The following CCDC102B variants were observed in gnomAD, a reference collection of about 807,000 sequenced individuals.
CCDC102B encodes coiled-coil domain containing 102B, also known as coiled-coil domain-containing protein 102B.
CCDC102B carries 75 observed loss-of-function variants against 57.4 expected under a neutral mutation model. That is an observed-to-expected ratio of 1.31 (90% CI 1.08 to 1.58). The LOEUF is 1.58. CCDC102B is among the 40% of genes most tolerant of loss of function. The pLI is 0.00. For synonymous variants in CCDC102B, 206 were observed against 201.9 expected, an observed-to-expected ratio of 1.02 and a Z score of -0.17; for missense variants, 636 against 582.6, an observed-to-expected ratio of 1.09 and a Z score of -0.94.
Position 68,815,213 on chromosome 18 carries a change from T to A in CCDC102B, c.-16+17032T>A, listed in dbSNP as rs1364349602. 2.0e-5 allele frequency among the ~76,000 whole-genome samples: 3 copies of A among 152,134 alleles called. No individual in the cohort carries two copies. The East Asian group carries it at 5.8e-4, about 29-fold the overall frequency. On this transcript the variant is annotated intron_variant, in intron 1 of 7. Coordinates refer to ENST00000360242, the MANE Select transcript of CCDC102B (RefSeq NM_024781.3). The stretch of plus-strand genomic sequence containing the variant: ...AAGTAACTGATCACTTTCAAATCAT[T>A]CTCTTACTTTTTCCTTAATTTCTTT...
intron 6 of CCDC102B, among the ~76,000 whole-genome samples, chr18:68,954,793 T>C (rs1405588242): frequency 5.9e-5 from 9 of 152,218 alleles, no homozygotes; most frequent in Non-Finnish European, 1.3e-4. Context: ...GAATTGCTTT[T>C]TCCTTAATGC....
chr18:68,770,013 G>C (rs536905336), intron 2 of CCDC102B, among the ~76,000 whole-genome samples: 2 of 152,196 alleles, frequency 1.3e-5, no homozygotes, highest in African/African-American at 4.8e-5. Context: ...TACTTCATTA[G>C]TCCAGCTGGA....
At chr18:69,036,695 C>A (rs2145459108) in intron 7 of CCDC102B, among the ~76,000 whole-genome samples, 1 of 151,970 alleles carries the variant, frequency 6.6e-6, no homozygotes, top group South Asian at 2.1e-4. Context: ...ATGGGATTTG[C>A]ATTGTGAAAT....
At chr18:69,018,973 A>C (rs2051749303) in intron 7 of CCDC102B, among the ~76,000 whole-genome samples, 1 of 152,076 alleles carries the variant, frequency 6.6e-6, no homozygotes. Context: ...CTATCCCAAC[A>C]CTACTTGTTG....
At chr18:69,040,366 G>C (rs1032760173) in intron 7 of CCDC102B, among the ~76,000 whole-genome samples, 5 of 149,528 alleles carry the variant, frequency 3.3e-5, no homozygotes, top group African/African-American at 1.2e-4. Flanking sequence ...TATCTATGTA[G>C]ATTTAGATTA....
intron 6 of CCDC102B, among the ~76,000 whole-genome samples, chr18:68,948,214 T>C (rs950778488): frequency 6.6e-6 from 1 of 152,132 alleles, no homozygotes; most frequent in Admixed American, 6.6e-5. Flanking sequence ...ATAACAATTA[T>C]GAAAATAAAT....
intron 1 of CCDC102B, 80 bp downstream of exon 1, chr18:68,798,261 G>A (rs192724419): frequency 9.9e-4 from 150 of 152,238 alleles, no homozygotes; most frequent in African/African-American, 3.5e-3. Context: ...GTTGTTCTCA[G>A]AGCAAAGACA....
At chr18:68,896,131 A>G (rs1031563676) in intron 5 of CCDC102B, among the ~76,000 whole-genome samples, 1 of 152,052 alleles carries the variant, frequency 6.6e-6, no homozygotes, top group East Asian at 1.9e-4. Flanking sequence ...TAGAATGCAT[A>G]GCTCAGGACT....
intron 6 of CCDC102B, among the ~76,000 whole-genome samples, chr18:68,918,010 ACT>A (rs56681274): frequency 0.26 from 39,310 of 151,716 alleles, 6,484 homozygotes; most frequent in East Asian, 0.61. Flanking sequence ...GATATAGTTT[ACT>A]CTCTCTTCAC....
At chr18:68,761,076 T>A (rs564209648) in intron 2 of CCDC102B, among the ~76,000 whole-genome samples, 1 of 152,224 alleles carries the variant, frequency 6.6e-6, no homozygotes, top group Admixed American at 6.6e-5. Context: ...TACACCCTTC[T>A]ATGGCTTTCC....
At chr18:68,981,182 C>A (rs1434754062) in intron 6 of CCDC102B, among the ~76,000 whole-genome samples, 3 of 151,376 alleles carry the variant, frequency 2.0e-5, no homozygotes, top group Admixed American at 2.0e-4. Flanking sequence ...TAGCAAACTA[C>A]AGAGAACAAA....
chr18:68,729,777 G>T (rs1355709246), intron 2 of CCDC102B, among the ~76,000 whole-genome samples: 1 of 152,126 alleles, frequency 6.6e-6, no homozygotes, highest in Non-Finnish European at 1.5e-5. Flanking sequence ...GCAAGTCAAA[G>T]GGAAAAGATT....
chr18:68,889,038 T>TC (rs1282205498), intron 5 of CCDC102B, among the ~76,000 whole-genome samples: 2 of 151,640 alleles, frequency 1.3e-5, no homozygotes, highest in East Asian at 3.9e-4. Flanking sequence ...TTGTTTTTTT[T>TC]TTCTTTGTCT....
At chr18:68,950,402 G>A (rs1288940492) in intron 6 of CCDC102B, among the ~76,000 whole-genome samples, 1 of 152,046 alleles carries the variant, frequency 6.6e-6, no homozygotes, top group Admixed American at 6.6e-5. Flanking sequence ...TTATACCCAG[G>A]AGATTTTATC....
intron 2 of CCDC102B, among the ~76,000 whole-genome samples, chr18:68,751,359 G>T (rs1308326920): frequency 9.2e-5 from 14 of 152,194 alleles, no homozygotes; most frequent in Non-Finnish European, 2.1e-4. Flanking sequence ...CATAACTCAT[G>T]CCTGAATGAA....
At chr18:68,963,572 C>T (rs1166642034) in intron 6 of CCDC102B, among the ~76,000 whole-genome samples, 1 of 151,766 alleles carries the variant, frequency 6.6e-6, no homozygotes, top group African/African-American at 2.4e-5. Context: ...TTACATGAGC[C>T]CCCTCCCTGG....
intron 2 of CCDC102B, among the ~76,000 whole-genome samples, chr18:68,767,381 T>C (rs2034503638): frequency 6.6e-6 from 1 of 152,204 alleles, no homozygotes; most frequent in African/African-American, 2.4e-5. Flanking sequence ...CATGTGAGGA[T>C]AGAGCCAGCT....
At chr18:68,866,261 T>G (rs1310192428) in intron 4 of CCDC102B, among the ~76,000 whole-genome samples, 1 of 152,196 alleles carries the variant, frequency 6.6e-6, no homozygotes, top group Non-Finnish European at 1.5e-5. Context: ...CATACATACT[T>G]TATACCCACA....
intron 5 of CCDC102B, among the ~76,000 whole-genome samples, chr18:68,887,512 T>A (rs2039932331): frequency 6.6e-6 from 1 of 152,226 alleles, no homozygotes. Flanking sequence ...TCTTATGTAA[T>A]CGATCCATAG....
Sources: gnomAD v4.1 joint callset for allele counts (sites outside exome capture counted in the v4.1 genomes callset) on GRCh38, gnomAD v4.1.1 for gene constraint, MANE v1.5 for transcripts, NCBI Gene and HGNC (gene_info 2026-07-23, HGNC 2026-07-21) for gene names.